Variants in ABCC2 observed in about 807,000 individuals in gnomAD.
The protein encoded by ABCC2 is ATP binding cassette subfamily C member 2.
Under a neutral mutation model 173.4 loss-of-function variants are expected in ABCC2, and 157 were observed. The ratio of observed to expected loss-of-function variants is 0.91; its 90% CI spans 0.80 to 1.03. The LOEUF (loss-of-function observed/expected upper bound fraction) is 1.03, where lower values mean the gene tolerates loss of function less well. ABCC2 is among the 50% of genes least tolerant of loss of function. The probability of loss-of-function intolerance (pLI) is 0.00; values close to 1 mark genes in which losing one functional copy is unlikely to be tolerated. For missense variants in ABCC2, 1,822 were observed against 1,852.3 expected, an observed-to-expected ratio of 0.98 and a Z score of 0.30; for synonymous variants, 657 against 693.5, an observed-to-expected ratio of 0.95 and a Z score of 0.83.
intron 25 of ABCC2, among the ~76,000 whole-genome samples, chr10:99,838,059 G>A (rs1435977885): frequency 1.2e-4 from 7 of 58,204 alleles, no homozygotes; most frequent in African/African-American, 4.5e-4. Flanking sequence ...CCGGGCAGAG[G>A]CGCCCCTCAC....
At chr10:99,814,161 A>ATG (rs2038278997) in intron 16 of ABCC2, among the ~76,000 whole-genome samples, 1 of 107,844 alleles carries the variant, frequency 9.3e-6, no homozygotes, top group African/African-American at 4.3e-5. Flanking sequence ...ATGTATACAC[A>ATG]CGTATATATA....
intron 19 of ABCC2, among the ~76,000 whole-genome samples, chr10:99,826,376 T>A (rs912779103): frequency 1.2e-3 from 183 of 151,286 alleles, no homozygotes; most frequent in Non-Finnish European, 2.1e-3. Context: ...CGTTTTCATA[T>A]GCCATCAACT....
chr10:99,851,820 G>A lies in ABCC2; in HGVS notation c.*189G>A, dbSNP rs1236636863. The A allele has an allele frequency of 5.5e-6, 3 of 541,778 alleles. No homozygotes were observed. The highest frequency in any genetic ancestry group is 3.3e-5 in the East Asian group (1 of 30,418). The allele number at this position is 541,778 out of a possible 1,614,324, so 33.6% of individuals were successfully genotyped here. A position where few individuals can be genotyped will look rare whatever the true frequency, so the allele number is the denominator to read the frequency against. ...TCACCAGGTACTTGAGAAACCCCTC[G>A]ATTGTCTACCTCGATCGTACTTCCT... is the stretch of plus-strand genomic sequence containing the variant. On this transcript the variant is annotated 3_prime_UTR_variant, in exon 32 of 32. Coordinates refer to ENST00000647814, the MANE Select transcript of ABCC2 (RefSeq NM_000392.5).
At chr10:99,801,257 G>A (rs2133007206) in intron 9 of ABCC2, among the ~76,000 whole-genome samples, 2 of 152,150 alleles carry the variant, frequency 1.3e-5, no homozygotes, top group East Asian at 3.9e-4. Flanking sequence ...TTGTTTTTGA[G>A]ATGGAGTCTC....
Position 99,831,799 on chromosome 10 carries a change from T to G in ABCC2, c.3072T>G (p.Val1024=). 1 of 1,614,206 alleles carries G rather than the reference T, an allele frequency of 6.2e-7. No homozygotes were observed. The highest frequency in any genetic ancestry group is 8.5e-7 in the Non-Finnish European group (1 of 1,180,032). Residue 1024 remains valine, a synonymous_variant, in exon 22 of 32, where the codon GTT becomes GTG. Transcript: ENST00000647814. ...DYPASQRDMR[V]GVYGALGLAQ... The stretch of plus-strand genomic sequence containing the variant: ...CAGCATCTCAGAGGGACATGAGAGT[T>G]GGAGTCTACGGAGCTCTGGGATTAG...
intron 9 of ABCC2, among the ~76,000 whole-genome samples, chr10:99,800,896 A>C (rs1432867439): frequency 6.6e-6 from 1 of 152,180 alleles, no homozygotes; most frequent in East Asian, 1.9e-4. Context: ...GCCTTGGAAA[A>C]GAATATAAGG....
intron 15 of ABCC2, among the ~76,000 whole-genome samples, 193 bp downstream of exon 15, chr10:99,811,795 C>A (rs1364992416): frequency 1.3e-5 from 2 of 152,180 alleles, no homozygotes; most frequent in African/African-American, 2.4e-5. Context: ...CTGATAACTG[C>A]ATTTGCCATG....
intron 16 of ABCC2, among the ~76,000 whole-genome samples, chr10:99,814,023 TAAA>T (rs923060184): frequency 6.6e-6 from 1 of 151,046 alleles, no homozygotes; most frequent in Non-Finnish European, 1.5e-5. Context: ...GCTTCCAAAA[TAAA>T]AATCTGGTGT....
intron 16 of ABCC2, among the ~76,000 whole-genome samples, chr10:99,814,144 CACAT>C (rs36233263): frequency 0.041 from 1,300 of 31,892 alleles, 120 homozygotes; most frequent in East Asian, 0.071. Context: ...TATATATACA[CACAT>C]GTATGTATAC....
chr10:99,852,494 T>C lies in ABCC2; in HGVS notation c.*863T>C, dbSNP rs2039098119. Among the ~76,000 whole-genome samples the C allele has an allele frequency of 6.6e-6, 1 of 152,216 alleles. No homozygotes were observed. Among genetic ancestry groups the C allele is most frequent in the Non-Finnish European group, 1.5e-5 (1 of 68,032 alleles). Reference sequence around the variant, plus strand: ...AATGTCTGGATTCTTTGTTTATCTGTTGTTTCTGTTGGTTTTTACTCATGG... The same window carrying C: ...AATGTCTGGATTCTTTGTTTATCTGCTGTTTCTGTTGGTTTTTACTCATGG... On this transcript the variant is annotated 3_prime_UTR_variant, in exon 32 of 32. Transcript: ENST00000647814.
At chr10:99,819,290 C>G (rs1049422674) in intron 19 of ABCC2, 21 bp downstream of exon 19, 8 of 1,608,484 alleles carry the variant, frequency 5.0e-6, no homozygotes, top group Non-Finnish European at 6.8e-6. Flanking sequence ...AGGATTGGGA[C>G]AAGATAGAAC....
chr10:99,794,045 A>G (rs775053921), intron 5 of ABCC2, 46 bp downstream of exon 5: 2 of 1,514,376 alleles, frequency 1.3e-6, no homozygotes, highest in South Asian at 1.1e-5. Flanking sequence ...TAATTGGATG[A>G]TATCTTAATG....
At chr10:99,805,649 T>G (rs939990316) in intron 11 of ABCC2, among the ~76,000 whole-genome samples, 1 of 152,200 alleles carries the variant, frequency 6.6e-6, no homozygotes, top group Non-Finnish European at 1.5e-5. Context: ...TAGCTTGTTT[T>G]GTTTTGACAC....
chr10:99,835,542 C>T (rs1419577465), intron 24 of ABCC2, among the ~76,000 whole-genome samples: 1 of 152,062 alleles, frequency 6.6e-6, no homozygotes, highest in African/African-American at 2.4e-5. Context: ...AGTTCTTACC[C>T]CCTCAGCACT....
rs751095276 is a variant in ABCC2 at position 99,834,423 on chromosome 10, G to C, written c.3302G>C (p.Ser1101Thr). Residue 1101 changes from serine (S) to threonine (T), a missense_variant, in exon 24 of 32, where the codon AGC becomes ACC. Transcript: ENST00000647814. ...GACACCCTGCCTCAGTCCTTGCGCA[G>C]CTGGATTACATGCTTCCTGGGGATA... ...VDDTLPQSLR[S>T]WITCFLGIIS... 2 of 1,614,158 alleles carry C rather than the reference G, an allele frequency of 1.2e-6. No homozygotes were observed. The highest frequency in any genetic ancestry group is 1.7e-5 in the Admixed American group (1 of 60,020).
chr10:99,798,750 CCTT>C lies in ABCC2; in HGVS notation c.868-453_868-451del, dbSNP rs530619523. On this transcript the variant is annotated intron_variant, in intron 7 of 31. Coordinates refer to ENST00000647814, the MANE Select transcript of ABCC2 (RefSeq NM_000392.5). ...CTTAATTTGGTTACATCTGCAAAGACCTTCTTTCGAAATAAGGCACATTTTAAG... is the reference window on the plus strand; with the variant it reads ...CTTAATTTGGTTACATCTGCAAAGACCTTTCGAAATAAGGCACATTTTAAG... Among the ~76,000 whole-genome samples the C allele has an allele frequency of 6.4e-4, 97 of 152,306 alleles. 1 individual carries two copies. In the South Asian group the frequency reaches 0.018, roughly 29 times the overall value.
chr10:99,835,462 C>G (rs779394950), intron 24 of ABCC2, among the ~76,000 whole-genome samples: 2 of 152,076 alleles, frequency 1.3e-5, no homozygotes, highest in East Asian at 1.9e-4. Context: ...AGTAGCAGCA[C>G]GGACCCATTC....
intron 28 of ABCC2, among the ~76,000 whole-genome samples, chr10:99,844,861 C>T (rs2038995651): frequency 6.6e-6 from 1 of 152,132 alleles, no homozygotes; most frequent in African/African-American, 2.4e-5. Context: ...TCCTCCCAGT[C>T]TTCAAAGTCA....
intron 23 of ABCC2, among the ~76,000 whole-genome samples, chr10:99,832,934 A>AT (rs1035843051): frequency 3.9e-5 from 6 of 152,206 alleles, no homozygotes; most frequent in Admixed American, 1.3e-4. Context: ...CAACTCACTG[A>AT]TTTTTTAGTG....
Sources: allele counts gnomAD v4.1 joint callset (sites outside exome capture counted in the v4.1 genomes callset), GRCh38; gene constraint gnomAD v4.1.1; transcripts MANE v1.5; gene names NCBI Gene and HGNC (gene_info 2026-07-23, HGNC 2026-07-21).